EDEM1: variants seen among roughly 807,000 people sequenced by gnomAD.
EDEM1 encodes ER degradation-enhancing alpha-mannosidase-like protein 1.
In EDEM1, 67 loss-of-function variants were observed where a neutral mutation model predicts 74.4. The ratio of observed to expected loss-of-function variants is 0.90; its 90% CI spans 0.74 to 1.10. The LOEUF (loss-of-function observed/expected upper bound fraction) is 1.10. EDEM1 is among the 50% of genes least tolerant of loss of function. The pLI, the probability that EDEM1 is intolerant of heterozygous loss-of-function variation, is 0.00. For missense variants in EDEM1, 926 were observed against 851.6 expected (o/e 1.09, Z -1.09); for synonymous variants, 382 against 335.9 (o/e 1.14, Z -1.50).
chr3:5,187,893 A>G lies in EDEM1; in HGVS notation c.88A>G (p.Ser30Gly), dbSNP rs772499897. The G allele has an allele frequency of 1.3e-6, 2 of 1,597,740 alleles. No homozygotes were observed. Among genetic ancestry groups the G allele is most frequent in the Non-Finnish European group, 1.7e-6 (2 of 1,174,510 alleles). Residue 30 changes from serine to glycine, a missense_variant, in exon 1 of 12, where the codon AGC (serine) becomes GGC (glycine). Ser to Gly is a moderately conservative substitution (Grantham distance 56). Coordinates refer to ENST00000256497, the MANE Select transcript of EDEM1 (RefSeq NM_014674.3). ...VLWLVFGLGP[S>G]MGFYQRFPLS... ...GTGGCTCGTCTTCGGGCTGGGGCCC[A>G]GCATGGGCTTCTACCAGCGCTTTCC...
intron 11 of EDEM1, among the ~76,000 whole-genome samples, 156 bp downstream of exon 11, chr3:5,213,678 CAG>C (rs895028000): frequency 2.0e-5 from 3 of 152,182 alleles, no homozygotes; most frequent in Non-Finnish European, 4.4e-5. Flanking sequence ...TAGCTGTTGT[CAG>C]GGTATAGGGA....
intron 1 of EDEM1, among the ~76,000 whole-genome samples, chr3:5,193,532 A>G (rs1214980439): frequency 2.0e-5 from 3 of 152,226 alleles, no homozygotes; most frequent in African/African-American, 7.2e-5. Context: ...CTTATAGGAA[A>G]TGAGCTAGCC....
intron 5 of EDEM1, 88 bp from the exon 6 acceptor site, chr3:5,204,979 C>A (rs2055076980): frequency 1.4e-6 from 2 of 1,405,448 alleles, no homozygotes; most frequent in African/African-American, 1.4e-5. Flanking sequence ...TGCTGAGGAG[C>A]AGTGTGGTTG....
intron 2 of EDEM1, among the ~76,000 whole-genome samples, chr3:5,197,080 T>TGC: frequency 5.3e-5 from 8 of 150,056 alleles, no homozygotes; most frequent in African/African-American, 2.0e-4. Flanking sequence ...TTTTTTTTTT[T>TGC]TTCCCCATTT....
At chr3:5,210,632 A>C (rs2055156510) in intron 9 of EDEM1, among the ~76,000 whole-genome samples, 1 of 152,032 alleles carries the variant, frequency 6.6e-6, no homozygotes, top group Non-Finnish European at 1.5e-5. Flanking sequence ...ATATTTTTAT[A>C]TATGATGTGT....
chr3:5,208,426 C>T lies in EDEM1; in HGVS notation c.1509+163C>T, dbSNP rs556800969. Reference sequence around the variant, plus strand: ...AGTCTTGTTAGTGTTCAGTGTCATTCGTAACTTCACAGGACAGAGAAGGCA... The same window carrying T: ...AGTCTTGTTAGTGTTCAGTGTCATTTGTAACTTCACAGGACAGAGAAGGCA... On this transcript the variant is annotated intron_variant, in intron 8 of 11. Coordinates refer to ENST00000256497, the MANE Select transcript of EDEM1 (RefSeq NM_014674.3). 1.1e-4 allele frequency among the ~76,000 whole-genome samples: 17 copies of T among 152,212 alleles called. No homozygotes were observed. In the South Asian group the frequency reaches 3.1e-3, roughly 28 times the overall value.
chr3:5,203,526 G>T (rs578007402), intron 5 of EDEM1, among the ~76,000 whole-genome samples: 1 of 152,228 alleles, frequency 6.6e-6, no homozygotes, highest in South Asian at 2.1e-4. Context: ...AAAAATCTGG[G>T]CCTGTGGTAG....
intron 3 of EDEM1, among the ~76,000 whole-genome samples, chr3:5,200,347 A>G (rs950087892): frequency 2.6e-5 from 4 of 152,198 alleles, no homozygotes; most frequent in Admixed American, 2.6e-4. Flanking sequence ...GACAACCCCT[A>G]CATATTTCTG....
At chr3:5,196,884 T>A (rs1393887104) in intron 2 of EDEM1, among the ~76,000 whole-genome samples, 1 of 152,110 alleles carries the variant, frequency 6.6e-6, no homozygotes, top group East Asian at 1.9e-4. Context: ...AGCCTACTCC[T>A]TGTCCCTGAG....
intron 11 of EDEM1, 110 bp from the exon 12 acceptor site, chr3:5,215,719 C>T: frequency 3.9e-6 from 4 of 1,024,988 alleles, no homozygotes; most frequent in Non-Finnish European, 6.0e-6. Context: ...CAGTTACTTC[C>T]AAACGTCAGT....
chr3:5,218,019 G>A lies in EDEM1; in HGVS notation c.*2101G>A, dbSNP rs577843493. The stretch of plus-strand genomic sequence containing the variant: ...CAGTGTTCTCTTAATGAGGCACTTT[G>A]CCTGTCACTCGAGCAAGCCTGGGTG... On this transcript the variant is annotated 3_prime_UTR_variant, in exon 12 of 12. Coordinates refer to ENST00000256497, the MANE Select transcript of EDEM1 (RefSeq NM_014674.3). 1 of 152,366 alleles carries A rather than the reference G, an allele frequency of 6.6e-6. No individual in the cohort carries two copies. The highest frequency in any genetic ancestry group is 2.1e-4 in the South Asian group (1 of 4,830). The allele number at this position is 152,366 out of a possible 1,614,324, so 9.4% of individuals were successfully genotyped here. A position where few individuals can be genotyped will look rare whatever the true frequency, so the allele number is the denominator to read the frequency against.
At position 5,187,979 on chromosome 3, in the gene EDEM1, G is replaced by T. The variant is rs768890111; in HGVS notation, c.174G>T (p.Gly58=). 1.9e-6 allele frequency: 3 copies of T among 1,541,416 alleles called. No individual in the cohort carries two copies. Among genetic ancestry groups the T allele is most frequent in the Non-Finnish European group, 2.6e-6 (3 of 1,147,164 alleles). Residue 58 remains glycine (G), a synonymous_variant, in exon 1 of 12, where the codon GGG becomes GGT. Coordinates refer to ENST00000256497, the MANE Select transcript of EDEM1 (RefSeq NM_014674.3). Reference sequence around the variant, plus strand: ...ACGGCCCCGCGTCGCCCACCTCGGGGCCCGTGGGCCGGCCTGGGGGGGTAT... The same window carrying T: ...ACGGCCCCGCGTCGCCCACCTCGGGTCCCGTGGGCCGGCCTGGGGGGGTAT... ...SPDGPASPTS[G]PVGRPGGVSG...
chr3:5,204,957 C>T lies in EDEM1; in HGVS notation c.1043-110C>T. On this transcript the variant is annotated intron_variant, in intron 5 of 11. Coordinates refer to ENST00000256497, the MANE Select transcript of EDEM1 (RefSeq NM_014674.3). ...GCAACCACCTCCTTCTCCTGTATGC[C>T]AAGGATAAAGGTGCTGAGGAGCAGT... The T allele has an allele frequency of 2.5e-6, 3 of 1,203,398 alleles. No homozygotes were observed. In the South Asian group the frequency reaches 4.5e-5, roughly 18 times the overall value. The allele number at this position is 1,203,398 out of a possible 1,614,324, so 74.5% of individuals were successfully genotyped here. A position where few individuals can be genotyped will look rare whatever the true frequency, so the allele number is the denominator to read the frequency against.
rs2055270877 is a variant in EDEM1 at position 5,218,611 on chromosome 3, T to C, written c.*2693T>C. The stretch of plus-strand genomic sequence containing the variant: ...AGCTAGTGTCTAGTGTCAGCTTTGC[T>C]CAGTGTGGTGGAAACATTTTGCAGA... On this transcript the variant is annotated 3_prime_UTR_variant, in exon 12 of 12. Transcript: ENST00000256497. 1 of 152,160 alleles carries C rather than the reference T, an allele frequency of 6.6e-6. No homozygotes were observed. The highest frequency in any genetic ancestry group is 1.5e-5 in the Non-Finnish European group (1 of 68,034). 9.4% of individuals were successfully genotyped at this position (152,160 alleles called of 1,614,324 possible).
Position 5,187,765 on chromosome 3 carries a change from C to G in EDEM1, c.-41C>G. ...CGGGGTGCGGTGGTCGGCGGGGAGG[C>G]CCCCGCGCTTTAAAATAATGCCCGC... On this transcript the variant is annotated 5_prime_UTR_variant, in exon 1 of 12. Transcript: ENST00000256497. 1.3e-6 allele frequency: 2 copies of G among 1,498,448 alleles called. No homozygotes were observed. The highest frequency in any genetic ancestry group is 8.9e-7 in the Non-Finnish European group (1 of 1,124,272). The allele number at this position is 1,498,448 out of a possible 1,614,324, so 92.8% of individuals were successfully genotyped here. A position where few individuals can be genotyped will look rare whatever the true frequency, so the allele number is the denominator to read the frequency against.
rs756341888 is a variant in EDEM1, at chr3:5,188,325, C to T, written c.509+11C>T. On this transcript the variant is annotated intron_variant, in intron 1 of 11. Coordinates refer to ENST00000256497, the MANE Select transcript of EDEM1 (RefSeq NM_014674.3). Reference sequence around the variant, plus strand: ...CGACCGCGGGGACCCGTGAGTAGCCCCCGCCGCCCGGGGCCGCGCGCCCAC... The same window carrying T: ...CGACCGCGGGGACCCGTGAGTAGCCTCCGCCGCCCGGGGCCGCGCGCCCAC... 3 of 1,451,528 alleles carry T rather than the reference C, an allele frequency of 2.1e-6. No individual in the cohort carries two copies. The highest frequency in any genetic ancestry group is 5.8e-5 in the East Asian group (2 of 34,664). 89.9% of individuals were successfully genotyped at this position (1,451,528 alleles called of 1,614,324 possible).
At chr3:5,208,395 A>T (rs561737277) in intron 8 of EDEM1, 132 bp downstream of exon 8, 9 of 1,069,660 alleles carry the variant, frequency 8.4e-6, no homozygotes, top group Non-Finnish European at 1.2e-5. Flanking sequence ...GTTACCCCCT[A>T]TCCGTAGTCT....
intron 6 of EDEM1, 111 bp downstream of exon 6, chr3:5,205,352 C>CG (rs1332458477): frequency 6.8e-5 from 71 of 1,048,240 alleles, no homozygotes; most frequent in Non-Finnish European, 9.1e-5. Flanking sequence ...TCTCTGCCCT[C>CG]ACCTTACCAC....
At chr3:5,199,797 G>C in intron 3 of EDEM1, 102 bp downstream of exon 3, 1 of 842,272 alleles carries the variant, frequency 1.2e-6, no homozygotes, top group Non-Finnish European at 1.8e-6. Context: ...TCCAGGCAGG[G>C]AGTCCATATG....
Sources: gnomAD v4.1 joint callset for allele counts (sites outside exome capture counted in the v4.1 genomes callset) on GRCh38, gnomAD v4.1.1 for gene constraint, MANE v1.5 for transcripts, NCBI Gene and HGNC (gene_info 2026-07-23, HGNC 2026-07-21) for gene names.